The following MASP1 variants were observed in gnomAD, a reference collection of about 807,000 sequenced individuals.
MASP1 encodes mannan-binding lectin serine protease 1.
In MASP1, 59 loss-of-function variants were observed where a neutral mutation model predicts 77.1. The observed-to-expected ratio is 0.77, with a 90% CI of 0.62 to 0.95. MASP1 has a LOEUF of 0.95. Ranked by LOEUF, MASP1 falls within the 40% of genes least tolerant of loss-of-function variation. MASP1 has a pLI of 0.00. For missense variants in MASP1, 885 were observed against 912.9 expected, an observed-to-expected ratio of 0.97 and a Z score of 0.39; for synonymous variants, 362 against 354.5, an observed-to-expected ratio of 1.02 and a Z score of -0.24.
intron 9 of MASP1, 35 bp downstream of exon 9, chr3:187,243,447 GAA>G (rs1265517777): frequency 1.2e-6 from 2 of 1,613,240 alleles, no homozygotes; most frequent in Non-Finnish European, 8.5e-7. Context: ...CCGAGAGTGT[GAA>G]ACGGGAGTGG....
chr3:187,221,498 C>T (rs1417230102), intron 14 of MASP1, among the ~76,000 whole-genome samples: 2 of 152,154 alleles, frequency 1.3e-5, no homozygotes, highest in African/African-American at 4.8e-5. Flanking sequence ...TTTGTCTCAC[C>T]CCTACTGTAG....
At chr3:187,229,591 G>A (rs555160049), downstream of MASP1, among the ~76,000 whole-genome samples, 3 of 152,182 alleles carry the variant, frequency 2.0e-5, no homozygotes, top group Non-Finnish European at 4.4e-5. Flanking sequence ...TGTCCTTCCC[G>A]GTGCCAGAGA....
intron 2 of MASP1, among the ~76,000 whole-genome samples, chr3:187,268,459 C>A (rs1385761468): frequency 1.3e-5 from 2 of 150,506 alleles, no homozygotes; most frequent in Admixed American, 1.3e-4. Context: ...TACACTCCAG[C>A]CTGGGCAACA....
Position 187,234,370 on chromosome 3 carries a change from G to A in MASP1, c.*1314C>T. 7.8e-7 allele frequency: 1 copy of A among 1,287,260 alleles called. No individual in the cohort carries two copies. Among genetic ancestry groups the A allele is most frequent in the South Asian group, 1.2e-5 (1 of 80,936 alleles). The allele number at this position is 1,287,260 out of a possible 1,614,324, so 79.7% of individuals were successfully genotyped here. A position where few individuals can be genotyped will look rare whatever the true frequency, so the allele number is the denominator to read the frequency against. On this transcript the variant is annotated 3_prime_UTR_variant, in exon 11 of 11. Transcript: ENST00000296280. ...AACAATCAGCCCTGTGAGGGCCAGAGAGGCTGCTAGCAGTCAGGGAAGCTC... is the reference window on the plus strand; with the variant it reads ...AACAATCAGCCCTGTGAGGGCCAGAAAGGCTGCTAGCAGTCAGGGAAGCTC...
Position 187,291,648 on chromosome 3 carries a change from G to A in MASP1, c.-16C>T. 2 of 1,614,186 alleles carry A rather than the reference G, an allele frequency of 1.2e-6. No individual in the cohort carries two copies. The highest frequency in any genetic ancestry group is 1.7e-5 in the Admixed American group (1 of 60,030). On this transcript the variant is annotated 5_prime_UTR_variant, in exon 1 of 11. Coordinates refer to ENST00000296280, the MANE Select transcript of MASP1 (RefSeq NM_139125.4). ...CGTACCTCATTTTCCTGCCTTGGGT[G>A]CTCCCGGCTGCCCGGCCTTGGTCCT... is the stretch of plus-strand genomic sequence containing the variant.
In MASP1 at chr3:187,221,133, A is replaced by G. The variant is rs370355125; in HGVS notation, c.1811T>C (p.Ile604Thr). Residue 604 changes from isoleucine to threonine, a missense_variant and splice_region_variant, in exon 15 of 16, where the codon ATT becomes ACT. Ile to Thr is a moderately conservative substitution (Grantham distance 89, BLOSUM62 -1). Transcript: ENST00000337774. ...GCTGTGGTCAACAATCGGGATTTCA[A>G]TCTAGAACACAAAGCTGTTATTGGT... 6 of 1,612,614 alleles carry G rather than the reference A, an allele frequency of 3.7e-6. No homozygotes were observed. In the South Asian group the frequency reaches 4.4e-5, roughly 12 times the overall value.
intron 11 of MASP1, among the ~76,000 whole-genome samples, chr3:187,228,280 C>T (rs907040336): frequency 3.0e-5 from 4 of 132,204 alleles, no homozygotes; most frequent in Admixed American, 2.3e-4. Flanking sequence ...AATGAGACTC[C>T]GTCTCAAAAA....
chr3:187,264,809 A>G (rs535819073), intron 2 of MASP1, among the ~76,000 whole-genome samples: 2 of 152,346 alleles, frequency 1.3e-5, no homozygotes, highest in Non-Finnish European at 2.9e-5. Context: ...AATAAAAAAA[A>G]GCTAAATAGA....
At chr3:187,283,093 C>T (rs1262607895) in intron 2 of MASP1, among the ~76,000 whole-genome samples, 1 of 152,150 alleles carries the variant, frequency 6.6e-6, no homozygotes, top group Non-Finnish European at 1.5e-5. Flanking sequence ...AAAGGCATTT[C>T]CTGAATTCCA....
At chr3:187,248,367 G>A (rs1212096299) in intron 8 of MASP1, among the ~76,000 whole-genome samples, 5 of 152,148 alleles carry the variant, frequency 3.3e-5, no homozygotes, top group South Asian at 2.1e-4. Context: ...CCCTCCATGG[G>A]TATGGTATGT....
chr3:187,223,037 C>A, intron 14 of MASP1: 4 of 1,197,382 alleles, frequency 3.3e-6, no homozygotes, highest in Non-Finnish European at 5.0e-6. Context: ...CCCACCCAAG[C>A]CTCAAAATCC....
chr3:187,243,876 T>A, intron 8 of MASP1: 1 of 531,310 alleles, frequency 1.9e-6, no homozygotes, highest in Non-Finnish European at 3.4e-6. Context: ...AGTGTCAATT[T>A]TGGGTAGGGG....
chr3:187,251,862 G>A, intron 6 of MASP1, 110 bp from the exon 7 acceptor site: 1 of 829,738 alleles, frequency 1.2e-6, no homozygotes, highest in Non-Finnish European at 2.1e-6. Flanking sequence ...CATGGAACTG[G>A]GTATTGGAGG....
chr3:187,238,190 C>A (rs698087), intron 10 of MASP1, among the ~76,000 whole-genome samples: 1 of 152,174 alleles, frequency 6.6e-6, no homozygotes, highest in East Asian at 1.9e-4. Context: ...GCATTAAACG[C>A]TACCTTTCTC....
At chr3:187,241,069 G>A (rs916248629) in intron 10 of MASP1, among the ~76,000 whole-genome samples, 4 of 152,172 alleles carry the variant, frequency 2.6e-5, no homozygotes, top group African/African-American at 4.8e-5. Context: ...GCTTGACTAC[G>A]TTGCTGTTTG....
At chr3:187,263,770 G>A (rs975412685) in intron 2 of MASP1, among the ~76,000 whole-genome samples, 7 of 152,130 alleles carry the variant, frequency 4.6e-5, no homozygotes, top group Admixed American at 2.0e-4. Flanking sequence ...GGCCCTGTGC[G>A]AATTCAGAGA....
intron 1 of MASP1, among the ~76,000 whole-genome samples, chr3:187,290,423 T>G (rs924328411): frequency 6.6e-6 from 1 of 152,226 alleles, no homozygotes; most frequent in Non-Finnish European, 1.5e-5. Flanking sequence ...AGGGTGGGAT[T>G]CAGACCAGAT....
intron 1 of MASP1, among the ~76,000 whole-genome samples, chr3:187,288,165 A>C (rs1718007821): frequency 6.6e-6 from 1 of 152,222 alleles, no homozygotes; most frequent in South Asian, 2.1e-4. Flanking sequence ...GATTCTATTA[A>C]GAAAACAAAA....
intron 2 of MASP1, among the ~76,000 whole-genome samples, chr3:187,284,721 C>A (rs1406848945): frequency 1.3e-5 from 2 of 152,156 alleles, no homozygotes; most frequent in African/African-American, 4.8e-5. Context: ...GGTTTGAGAC[C>A]TTAATCCATC....
Sources: allele counts gnomAD v4.1 joint callset (sites outside exome capture counted in the v4.1 genomes callset), GRCh38; gene constraint gnomAD v4.1.1; transcripts MANE v1.5; gene names NCBI Gene and HGNC (gene_info 2026-07-23, HGNC 2026-07-21).